The following SHLD2 variants were observed in gnomAD, a reference collection of about 807,000 sequenced individuals.
SHLD2 encodes the protein shieldin complex subunit 2.
In SHLD2, 30 loss-of-function variants were observed where a neutral mutation model predicts 73.2. The observed-to-expected ratio is 0.41, with a 90% CI of 0.31 to 0.56. The LOEUF is 0.56. SHLD2 is among the 20% of genes least tolerant of loss of function. The pLI, the probability that SHLD2 is intolerant of heterozygous loss-of-function variation, is 0.28. For synonymous variants in SHLD2, 285 were observed against 370.1 expected (o/e 0.77, Z 2.64); for missense variants, 745 against 1,055.9 (o/e 0.71, Z 4.08).
intron 2 of SHLD2, among the ~76,000 whole-genome samples, chr10:87,100,772 C>T (rs1280250360): frequency 6.6e-6 from 1 of 152,196 alleles, no homozygotes; most frequent in African/African-American, 2.4e-5. Flanking sequence ...GCCACTGTGC[C>T]AGGCCGATTA....
chr10:87,120,397 G>A (rs1368325342), intron 2 of SHLD2, among the ~76,000 whole-genome samples: 1 of 151,896 alleles, frequency 6.6e-6, no homozygotes, highest in African/African-American at 2.4e-5. Context: ...ACAGGTGCCC[G>A]CCACCACGCC....
At chr10:87,133,433 A>C (rs1460063777) in intron 2 of SHLD2, among the ~76,000 whole-genome samples, 1 of 152,186 alleles carries the variant, frequency 6.6e-6, no homozygotes, top group Admixed American at 6.5e-5. Flanking sequence ...TTTAATCATC[A>C]AAACATTGTT....
intron 2 of SHLD2, among the ~76,000 whole-genome samples, chr10:87,103,729 C>G (rs2133951019): frequency 6.6e-6 from 1 of 152,204 alleles, no homozygotes; most frequent in East Asian, 1.9e-4. Flanking sequence ...TAGTCTTTTT[C>G]CTCTTAAAAA....
chr10:87,155,177 C>T (rs7093044), intron 3 of SHLD2, among the ~76,000 whole-genome samples: 22,624 of 151,988 alleles, frequency 0.15, 1,904 homozygotes, highest in Admixed American at 0.27. Flanking sequence ...CCTCGTGATC[C>T]GCCCGCCTCA....
intron 2 of SHLD2, among the ~76,000 whole-genome samples, chr10:87,122,244 C>T (rs1048307056): frequency 1.3e-5 from 2 of 148,630 alleles, no homozygotes; most frequent in African/African-American, 2.5e-5. Context: ...CCAAGTGCTA[C>T]AGCAGACCAA....
intron 2 of SHLD2, among the ~76,000 whole-genome samples, chr10:87,126,044 G>T (rs549213896): frequency 6.6e-6 from 1 of 152,252 alleles, no homozygotes; most frequent in East Asian, 1.9e-4. Context: ...TCTAAATATA[G>T]GTAGCTGCAT....
intron 2 of SHLD2, among the ~76,000 whole-genome samples, chr10:87,128,877 A>T (rs1282781057): frequency 2.6e-5 from 4 of 152,056 alleles, no homozygotes; most frequent in Admixed American, 2.0e-4. Flanking sequence ...TTTAATTTTT[A>T]AATTTATTTA....
At chr10:87,101,336 A>G (rs1842253973) in intron 2 of SHLD2, among the ~76,000 whole-genome samples, 1 of 152,222 alleles carries the variant, frequency 6.6e-6, no homozygotes, top group African/African-American at 2.4e-5. Flanking sequence ...TGTTATTTCA[A>G]AATAAAATGT....
At chr10:87,135,226 A>G (rs1049705446) in intron 2 of SHLD2, among the ~76,000 whole-genome samples, 1 of 151,820 alleles carries the variant, frequency 6.6e-6, no homozygotes, top group East Asian at 1.9e-4. Context: ...TAATACTGAT[A>G]TATTTTCATT....
chr10:87,134,755 C>T (rs1300301496), intron 2 of SHLD2, among the ~76,000 whole-genome samples: 1 of 152,176 alleles, frequency 6.6e-6, no homozygotes, highest in Non-Finnish European at 1.5e-5. Flanking sequence ...ACTCTCACCC[C>T]ACACTCTGGC....
intron 2 of SHLD2, among the ~76,000 whole-genome samples, chr10:87,141,033 A>G (rs1361496590): frequency 6.6e-6 from 1 of 151,704 alleles, no homozygotes; most frequent in Non-Finnish European, 1.5e-5. Flanking sequence ...TAATCCCAGC[A>G]TTTTGGGAGG....
At chr10:87,094,669 C>T (rs768745478), upstream of SHLD2, 14 of 1,558,484 alleles carry the variant, frequency 9.0e-6, 1 homozygote, top group South Asian at 1.4e-4. This position sits in a 1 kb window ranked among gnomAD's most constrained non-coding sequence, Gnocchi z 6.6. Context: ...GGGCTGTCCC[C>T]GGGCCCAGCC....
intron 2 of SHLD2, among the ~76,000 whole-genome samples, chr10:87,134,784 C>T (rs1160101940): frequency 6.6e-6 from 1 of 152,128 alleles, no homozygotes; most frequent in Non-Finnish European, 1.5e-5. Context: ...TTTTCAGCCA[C>T]CAAGGACTGG....
In SHLD2 at chr10:87,134,479, A is replaced by T. The variant is rs1339114130; in HGVS notation, c.-5-16871A>T. 2.0e-5 allele frequency among the ~76,000 whole-genome samples: 3 copies of T among 152,174 alleles called. No individual in the cohort carries two copies. The East Asian group carries it at 5.8e-4, about 29-fold the overall frequency. ...GCTGGTTTGACAGGTTAGGATCCTGAGAAGCCCTAGCAACTCTAGCACCAA... is the reference window on the plus strand; with the variant it reads ...GCTGGTTTGACAGGTTAGGATCCTGTGAAGCCCTAGCAACTCTAGCACCAA... On this transcript the variant is annotated intron_variant, in intron 2 of 9. Coordinates refer to ENST00000298786, the MANE Select transcript of SHLD2 (RefSeq NM_001330112.2).
intron 4 of SHLD2, among the ~76,000 whole-genome samples, chr10:87,158,853 C>T (rs1389216405): frequency 6.6e-6 from 1 of 152,160 alleles, no homozygotes; most frequent in Non-Finnish European, 1.5e-5. Flanking sequence ...CTCTTACTTC[C>T]AGTCTTTGTC....
intron 2 of SHLD2, among the ~76,000 whole-genome samples, chr10:87,134,179 G>T (rs1354075205): frequency 6.6e-6 from 1 of 152,176 alleles, no homozygotes; most frequent in Non-Finnish European, 1.5e-5. Context: ...TTCCTCTTCA[G>T]ATGTACAAAA....
chr10:87,184,769 C>T (rs1212412550), intron 8 of SHLD2, among the ~76,000 whole-genome samples: 1 of 152,166 alleles, frequency 6.6e-6, no homozygotes, highest in African/African-American at 2.4e-5. Context: ...TCTGACTCCA[C>T]AAGGCTGGTT....
chr10:87,170,945 C>G lies in SHLD2; in HGVS notation c.1934C>G (p.Ala645Gly), dbSNP rs1589635270. The stretch of plus-strand genomic sequence containing the variant: ...CTTGTATTATGGGGTCCTGGAGCAG[C>G]CTGGTACCCTCAACTTCAAAGGAAA... The part of the protein sequence containing the change: ...YALVLWGPGA[A>G]WYPQLQRKKG... Residue 645 changes from alanine (A) to glycine (G), a missense_variant, in exon 6 of 10, where the codon GCC becomes GGC. By Grantham distance (60) the Ala-to-Gly change is moderately conservative. Around this residue, in one of 5 missense-constraint regions of SHLD2, gnomAD observed 418 missense variants for 567.8 expected, o/e 0.74. Coordinates refer to ENST00000298786, the MANE Select transcript of SHLD2 (RefSeq NM_001330112.2). 6.3e-7 allele frequency: 1 copy of G among 1,575,384 alleles called. No individual in the cohort carries two copies. The highest frequency in any genetic ancestry group is 8.7e-7 in the Non-Finnish European group (1 of 1,149,750).
chr10:87,119,670 C>T (rs9420443), intron 2 of SHLD2, among the ~76,000 whole-genome samples: 4 of 151,398 alleles, frequency 2.6e-5, no homozygotes, highest in Non-Finnish European at 4.4e-5. Context: ...CCCAACTACT[C>T]GGAAGGCTGA....
Sources: gnomAD v4.1 joint callset for allele counts (sites outside exome capture counted in the v4.1 genomes callset) on GRCh38, gnomAD v4.1.1 for gene constraint, gnomAD v4.1.1 regional missense constraint, Gnocchi (gnomAD v3.1) non-coding constraint, MANE v1.5 for transcripts, NCBI Gene and HGNC (gene_info 2026-07-23, HGNC 2026-07-21) for gene names.